The following ANKRD36 variants were observed in gnomAD, a reference collection of about 807,000 sequenced individuals.
The protein encoded by ANKRD36 is ankyrin repeat domain 36.
ANKRD36 carries 179 observed loss-of-function variants against 278.1 expected under a neutral mutation model. The observed-to-expected ratio is 0.64, with a 90% CI of 0.57 to 0.73. The LOEUF (loss-of-function observed/expected upper bound fraction) is 0.73, where lower values mean the gene tolerates loss of function less well. Among genes scored for constraint, ANKRD36 ranks in the 30% least tolerant of loss-of-function variants. ANKRD36 has a pLI of 0.00. For synonymous variants in ANKRD36, 320 were observed against 641.1 expected (o/e 0.50, Z 7.57); for missense variants, 1,159 against 1,956.7 (o/e 0.59, Z 7.69).
intron 52 of ANKRD36, among the ~76,000 whole-genome samples, chr2:97,207,143 C>T (rs1038495744): frequency 6.6e-6 from 1 of 151,356 alleles, no homozygotes; most frequent in Non-Finnish European, 1.5e-5. Context: ...AATATATTAT[C>T]CTTTGTTGCC....
chr2:97,138,208 C>A (rs934754228), intron 6 of ANKRD36, among the ~76,000 whole-genome samples: 1 of 152,076 alleles, frequency 6.6e-6, no homozygotes, highest in Non-Finnish European at 1.5e-5. Context: ...ATTGTCTCAG[C>A]CCCAAATCTC....
Position 97,206,125 on chromosome 2 carries a change from A to G in ANKRD36, c.3153A>G (p.Lys1051=). The G allele has an allele frequency of 6.5e-7, 1 of 1,540,342 alleles. No individual in the cohort carries two copies. The highest frequency in any genetic ancestry group is 1.4e-5 in the African/African-American group (1 of 72,834). ...SIARENKDGE[K]SRTVSSEKPS... Reference sequence around the variant, plus strand: ...CCAGAGAAAACAAGGATGGAGAAAAATCTAGGACAGGTAATTCTGAAAACA... The same window carrying G: ...CCAGAGAAAACAAGGATGGAGAAAAGTCTAGGACAGGTAATTCTGAAAACA... Residue 1051 remains lysine, a synonymous_variant, in exon 52 of 76, where the codon AAA becomes AAG. Coordinates refer to ENST00000420699, the MANE Select transcript of ANKRD36 (RefSeq NM_001354587.1).
At chr2:97,174,837 G>C (rs529125149) in intron 22 of ANKRD36, among the ~76,000 whole-genome samples, 5 of 151,600 alleles carry the variant, frequency 3.3e-5, no homozygotes, top group East Asian at 3.9e-4. Flanking sequence ...TAGCATGAAG[G>C]GTTGTTGAAT....
intron 5 of ANKRD36, among the ~76,000 whole-genome samples, chr2:97,125,181 A>G (rs915817963): frequency 1.3e-4 from 20 of 151,760 alleles, no homozygotes; most frequent in African/African-American, 4.8e-4. Flanking sequence ...GCAGTCTGGT[A>G]GTGATTAACC....
intron 22 of ANKRD36, among the ~76,000 whole-genome samples, chr2:97,176,701 A>AT (rs996930280): frequency 9.9e-5 from 15 of 151,222 alleles, no homozygotes; most frequent in Admixed American, 1.3e-4. Flanking sequence ...TCGTTAGTTG[A>AT]TGCAGTTTCT....
intron 40 of ANKRD36, among the ~76,000 whole-genome samples, chr2:97,195,748 T>G (rs1484222360): frequency 1.3e-5 from 2 of 151,990 alleles, no homozygotes; most frequent in Non-Finnish European, 2.9e-5. Context: ...AAGGGTATTC[T>G]AGAAACAAAA....
chr2:97,150,038 C>T (rs2153462916), intron 12 of ANKRD36, among the ~76,000 whole-genome samples: 1 of 151,866 alleles, frequency 6.6e-6, no homozygotes, highest in South Asian at 2.1e-4. Flanking sequence ...ATAACAAGTG[C>T]TTATCTCTAA....
intron 12 of ANKRD36, among the ~76,000 whole-genome samples, chr2:97,150,509 A>G (rs970384213): frequency 1.3e-5 from 2 of 152,246 alleles, no homozygotes; most frequent in Non-Finnish European, 2.9e-5. Context: ...TCATGATGGA[A>G]TGTTACAGGT....
rs768248659 is a variant in ANKRD36 at position 97,191,119 on chromosome 2, A to G, written c.2285A>G (p.Asp762Gly). 5 of 1,598,002 alleles carry G rather than the reference A, an allele frequency of 3.1e-6. No individual in the cohort carries two copies. Among genetic ancestry groups the G allele is most frequent in the South Asian group, 1.1e-5 (1 of 89,288 alleles). Residue 762 changes from aspartate (D) to glycine (G), a missense_variant, in exon 36 of 76, where the codon GAT becomes GGT. Coordinates refer to ENST00000420699, the MANE Select transcript of ANKRD36 (RefSeq NM_001354587.1). ...TCAAATTCCATTCAGGCTACAACTG[A>G]TGAGAAAGATTCTGTTTCGAACATA... ...QKQPALKATT[D>G]EKDSVSNIAT...
chr2:97,159,585 CT>C (rs1399162539), intron 17 of ANKRD36, among the ~76,000 whole-genome samples: 2 of 149,156 alleles, frequency 1.3e-5, no homozygotes, highest in Admixed American at 6.7e-5. Context: ...TGAATCATTA[CT>C]TTTTGACTCT....
intron 22 of ANKRD36, among the ~76,000 whole-genome samples, chr2:97,177,460 G>A (rs1442205897): frequency 1.3e-5 from 2 of 151,894 alleles, no homozygotes; most frequent in Non-Finnish European, 2.9e-5. Flanking sequence ...AAACAGCATG[G>A]TACTGGTACC....
At chr2:97,171,732 A>G (rs1245954847) in intron 22 of ANKRD36, among the ~76,000 whole-genome samples, 2 of 151,732 alleles carry the variant, frequency 1.3e-5, no homozygotes, top group African/African-American at 2.4e-5. Context: ...TAAAAAAAAA[A>G]ACAAAAACAA....
chr2:97,179,570 G>A (rs2055503018), intron 22 of ANKRD36, among the ~76,000 whole-genome samples, 168 bp from the exon 23 acceptor site: 1 of 151,512 alleles, frequency 6.6e-6, no homozygotes, highest in Non-Finnish European at 1.5e-5. Flanking sequence ...TTTCTTCAGT[G>A]TATTTCCTTC....
rs373164576 is a variant in ANKRD36, at chr2:97,228,942, C to T, written c.3951+4063C>T. Among the ~76,000 whole-genome samples, 9 of 152,082 alleles carry T rather than the reference C, an allele frequency of 5.9e-5. No individual in the cohort carries two copies. In the South Asian group the frequency reaches 6.3e-4, roughly 11 times the overall value. On this transcript the variant is annotated intron_variant, in intron 67 of 75. Transcript: ENST00000420699. The stretch of plus-strand genomic sequence containing the variant: ...GTTGTTCAGTTTCCATGTAGTTGAG[C>T]GGTTTTGAGTGAGTTTCTTAATCCT...
At chr2:97,162,678 G>A (rs2049266054) in intron 18 of ANKRD36, among the ~76,000 whole-genome samples, 1 of 146,268 alleles carries the variant, frequency 6.8e-6, no homozygotes, top group Non-Finnish European at 1.5e-5. Context: ...GCAGAGGGTA[G>A]AAAAACGACA....
rs1212165586 is a variant in ANKRD36 at position 97,141,643 on chromosome 2, G to GA, written c.800-996dup. Among the ~76,000 whole-genome samples the GA allele has an allele frequency of 2.2e-5, 3 of 138,672 alleles. No homozygotes were observed. The Admixed American group carries it at 2.3e-4, about 11-fold the overall frequency. The allele number at this position is 138,672 out of a possible 152,430, so 91.0% of individuals were successfully genotyped here. Reference sequence around the variant, plus strand: ...GTTACTATTGGGAATCAGAGACATAGATTTTGTTGATATTAGTTATTCAAA... The same window carrying GA: ...GTTACTATTGGGAATCAGAGACATAGAATTTTGTTGATATTAGTTATTCAAA... On this transcript the variant is annotated intron_variant, in intron 6 of 75. Coordinates refer to ENST00000420699, the MANE Select transcript of ANKRD36 (RefSeq NM_001354587.1).
At chr2:97,261,226 A>AC (rs2076722194) in intron 75 of ANKRD36, among the ~76,000 whole-genome samples, 1 of 126,850 alleles carries the variant, frequency 7.9e-6, no homozygotes, top group African/African-American at 3.5e-5. Context: ...TGCTTTTCTC[A>AC]CCCTATTAAT....
intron 46 of ANKRD36, 133 bp downstream of exon 46, chr2:97,200,658 A>C: frequency 7.1e-7 from 1 of 1,415,800 alleles, no homozygotes; most frequent in Non-Finnish European, 9.5e-7. Context: ...TTTTCTAACA[A>C]GTTCTTGGGT....
intron 46 of ANKRD36, 49 bp downstream of exon 46, chr2:97,200,574 T>A (rs770911839): frequency 5.2e-6 from 8 of 1,537,378 alleles, no homozygotes; most frequent in Middle Eastern, 2.3e-4. Context: ...AGATAAGAAG[T>A]TCTCTTCCCC....
Sources: allele counts gnomAD v4.1 joint callset (sites outside exome capture counted in the v4.1 genomes callset), GRCh38; gene constraint gnomAD v4.1.1; transcripts MANE v1.5; gene names NCBI Gene and HGNC (gene_info 2026-07-23, HGNC 2026-07-21).